Variants in TRIO observed in about 807,000 individuals in gnomAD.
TRIO encodes the protein trio Rho guanine nucleotide exchange factor.
TRIO carries 58 observed loss-of-function variants against 351.9 expected under a neutral mutation model. That is an observed-to-expected ratio of 0.16 (90% CI 0.13 to 0.21). TRIO has a LOEUF of 0.21. TRIO is among the 10% of genes least tolerant of loss of function. TRIO has a pLI of 1.00. For missense variants in TRIO, 3,201 were observed against 4,027.8 expected (o/e 0.79, Z 5.56); for synonymous variants, 1,758 against 1,595.7 (o/e 1.10, Z -2.42).
At chr5:14,303,991 A>G (rs916181971) in intron 7 of TRIO, among the ~76,000 whole-genome samples, 5 of 152,196 alleles carry the variant, frequency 3.3e-5, no homozygotes, top group South Asian at 2.1e-4. Context: ...TTACATCTCA[A>G]TGAAAAAGGA....
intron 13 of TRIO, 121 bp downstream of exon 13, chr5:14,359,652 C>T: frequency 8.3e-7 from 1 of 1,197,842 alleles, no homozygotes; most frequent in Non-Finnish European, 1.2e-6. Flanking sequence ...CCCCAACCCT[C>T]TGCACCAGGA....
At chr5:14,296,502 C>T (rs73057602) in intron 6 of TRIO, among the ~76,000 whole-genome samples, 6,285 of 152,216 alleles carry the variant, frequency 0.041, 445 homozygotes, top group African/African-American at 0.14. Flanking sequence ...TTGAGCATAG[C>T]GTTGTTGTGT....
At chr5:14,300,962 T>G (rs768659347) in intron 7 of TRIO, among the ~76,000 whole-genome samples, 3 of 152,158 alleles carry the variant, frequency 2.0e-5, no homozygotes, top group Admixed American at 6.5e-5. Flanking sequence ...TGTGCTCAGC[T>G]GAGGCTCCGT....
At position 14,377,980 on chromosome 5, in the gene TRIO, A is replaced by G. The variant is rs377038862; in HGVS notation, c.3332-32A>G. ...GCGGTTGTTTTAATTGATTGCAAGC[A>G]CCAACATACATCATTTTCTTTTTTC... On this transcript the variant is annotated intron_variant, in intron 19 of 56. Coordinates refer to ENST00000344204, the MANE Select transcript of TRIO (RefSeq NM_007118.4). 18 of 1,545,080 alleles carry G rather than the reference A, an allele frequency of 1.2e-5. No homozygotes were observed. In the African/African-American group the frequency reaches 2.4e-4, roughly 21 times the overall value.
intron 43 of TRIO, among the ~76,000 whole-genome samples, chr5:14,480,936 C>G (rs1267990268): frequency 6.6e-6 from 1 of 151,792 alleles, no homozygotes; most frequent in African/African-American, 2.4e-5. Context: ...CCACTACACT[C>G]CAGCCTGGAC....
chr5:14,362,678 G>A (rs1022670454), intron 13 of TRIO, among the ~76,000 whole-genome samples: 1 of 152,076 alleles, frequency 6.6e-6, no homozygotes, highest in African/African-American at 2.4e-5. Flanking sequence ...TTTTGTGCAC[G>A]AGTCTTTGCG....
At chr5:14,444,090 T>C (rs1752263678) in intron 34 of TRIO, among the ~76,000 whole-genome samples, 3 of 152,182 alleles carry the variant, frequency 2.0e-5, no homozygotes, top group Non-Finnish European at 2.9e-5. Context: ...CTTTTTTTTT[T>C]TTTTCTTTCT....
At chr5:14,252,478 A>G (rs1463233836) in intron 1 of TRIO, among the ~76,000 whole-genome samples, 1 of 152,080 alleles carries the variant, frequency 6.6e-6, no homozygotes, top group Non-Finnish European at 1.5e-5. Flanking sequence ...AGCAGGTTGA[A>G]CTCACATTCT....
intron 34 of TRIO, among the ~76,000 whole-genome samples, chr5:14,435,346 G>A (rs1751495394): frequency 6.6e-6 from 1 of 152,194 alleles, no homozygotes; most frequent in Non-Finnish European, 1.5e-5. Context: ...CAGACTTCCC[G>A]AGGCTCCACC....
chr5:14,288,722 G>A (rs1046201009), intron 4 of TRIO, among the ~76,000 whole-genome samples: 8 of 151,830 alleles, frequency 5.3e-5, no homozygotes, highest in Non-Finnish European at 1.2e-4. Flanking sequence ...TAGGATTGTA[G>A]GCATAAGTGC....
intron 53 of TRIO, chr5:14,499,109 A>AGGCCCTGTGCC (rs1418181387): frequency 6.3e-6 from 1 of 158,506 alleles, no homozygotes; most frequent in Non-Finnish European, 1.4e-5. Flanking sequence ...GGGCCTGCGC[A>AGGCCCTGTGCC]GGCCCTGTGC....
intron 33 of TRIO, among the ~76,000 whole-genome samples, chr5:14,409,889 A>G (rs1749053456): frequency 6.6e-6 from 1 of 150,574 alleles, no homozygotes; most frequent in Non-Finnish European, 1.5e-5. Context: ...CAGTTCCACC[A>G]TTGCCTCTCC....
At chr5:14,343,848 T>C (rs1222085513) in intron 11 of TRIO, among the ~76,000 whole-genome samples, 1 of 152,226 alleles carries the variant, frequency 6.6e-6, no homozygotes, top group Non-Finnish European at 1.5e-5. Context: ...GCCAAACTGT[T>C]TTCCAGAATG....
chr5:14,502,118 G>A (rs996314720), intron 53 of TRIO, among the ~76,000 whole-genome samples: 3 of 152,098 alleles, frequency 2.0e-5, no homozygotes, highest in East Asian at 3.9e-4. Context: ...GATCTCTCAC[G>A]GCTGTGAAAG....
At chr5:14,243,535 G>A (rs1490644467) in intron 1 of TRIO, among the ~76,000 whole-genome samples, 2 of 151,990 alleles carry the variant, frequency 1.3e-5, no homozygotes, top group Admixed American at 6.6e-5. Context: ...TTTTGGAAAG[G>A]TGTATGTCAA....
At chr5:14,507,057 T>C (rs1030695203) in intron 55 of TRIO, 65 bp from the exon 56 acceptor site, 1 of 1,507,492 alleles carries the variant, frequency 6.6e-7, no homozygotes. Context: ...GTTTACTTCT[T>C]ACTAGCCCAA....
intron 45 of TRIO, 141 bp downstream of exon 45, chr5:14,481,759 A>G: frequency 6.7e-6 from 2 of 299,454 alleles, no homozygotes; most frequent in Non-Finnish European, 5.8e-6. Flanking sequence ...AATCTGATTG[A>G]TATTTTATTT....
At chr5:14,311,336 G>T (rs1346214903) in intron 8 of TRIO, among the ~76,000 whole-genome samples, 1 of 152,204 alleles carries the variant, frequency 6.6e-6, no homozygotes, top group Non-Finnish European at 1.5e-5. Flanking sequence ...AAACTGATCT[G>T]GTTTTGAATA....
chr5:14,202,829 G>A (rs939878931), intron 1 of TRIO, among the ~76,000 whole-genome samples: 4 of 151,150 alleles, frequency 2.6e-5, no homozygotes, highest in Admixed American at 2.6e-4. Context: ...CTCCAGCTAC[G>A]TGGAGCTGTG....
Sources: allele counts gnomAD v4.1 joint callset (sites outside exome capture counted in the v4.1 genomes callset), GRCh38; gene constraint gnomAD v4.1.1; transcripts MANE v1.5; gene names NCBI Gene and HGNC (gene_info 2026-07-23, HGNC 2026-07-21).